ZNF746: variants seen among roughly 807,000 people sequenced by gnomAD.
ZNF746 encodes the protein zinc finger protein 746.
In ZNF746, 13 loss-of-function variants were observed where a neutral mutation model predicts 41.0. The observed-to-expected ratio is 0.32, with a 90% CI of 0.21 to 0.50. The LOEUF (loss-of-function observed/expected upper bound fraction) is 0.50, where lower values mean the gene tolerates loss of function less well. Among genes scored for constraint, ZNF746 ranks in the 20% least tolerant of loss-of-function variants. ZNF746 has a pLI of 0.98. For missense variants in ZNF746, 811 were observed against 922.9 expected, an observed-to-expected ratio of 0.88 and a Z score of 1.57; for synonymous variants, 424 against 396.2, an observed-to-expected ratio of 1.07 and a Z score of -0.83.
At position 149,497,207 on chromosome 7, in the gene ZNF746, C is replaced by G. The variant is rs1429328704; in HGVS notation, c.24+306G>C. 3.0e-6 allele frequency: 3 copies of G among 984,754 alleles called. No homozygotes were observed. In the African/African-American group the frequency reaches 5.2e-5, roughly 17 times the overall value. 61.0% of individuals were successfully genotyped at this position (984,754 alleles called of 1,614,324 possible). On this transcript the variant is annotated intron_variant, in intron 1 of 6. Transcript: ENST00000458143. This position sits in a 1 kb window ranked among gnomAD's most constrained non-coding sequence, Gnocchi z 4.2. Reference sequence around the variant, plus strand: ...AAAGGAGCCGCGGGTGGGGGGGCACCCAGAAGGAGGGGACAGCGGCTGGGG... The same window carrying G: ...AAAGGAGCCGCGGGTGGGGGGGCACGCAGAAGGAGGGGACAGCGGCTGGGG...
intron 1 of ZNF746, chr7:149,496,938 T>C: frequency 1.0e-6 from 1 of 985,278 alleles, no homozygotes; most frequent in African/African-American, 1.7e-5. Context: ...GCCCCGGGTT[T>C]TTCTTTTGTA....
intron 4 of ZNF746, chr7:149,488,342 G>A (rs1562990953): frequency 6.6e-6 from 1 of 152,018 alleles, no homozygotes; most frequent in Non-Finnish European, 1.5e-5. Context: ...AGGTAAGCAA[G>A]GATATCTCAC....
Position 149,497,533 on chromosome 7 carries a change from C to T in ZNF746, c.4G>A (p.Ala2Thr). Residue 2 changes from alanine to threonine, a missense_variant, in exon 1 of 7, where the codon GCC (alanine) becomes ACC (threonine). Coordinates refer to ENST00000458143, the MANE Select transcript of ZNF746 (RefSeq NM_001394198.1). This position sits in a 1 kb window ranked among gnomAD's most constrained non-coding sequence, Gnocchi z 4.2. ...CTTACCGGAGCCGCGACCGCCTCGG[C>T]CATGGCCCTGCGCTGTCCCGCCCGG... M[A>T]EAVAAPISPW... 1 of 1,099,432 alleles carries T rather than the reference C, an allele frequency of 9.1e-7. No homozygotes were observed. Among genetic ancestry groups the T allele is most frequent in the East Asian group, 6.8e-5 (1 of 14,766 alleles). 68.1% of individuals were successfully genotyped at this position (1,099,432 alleles called of 1,614,324 possible).
At chr7:149,489,096 C>A (rs939790728) in intron 4 of ZNF746, 1 of 151,840 alleles carries the variant, frequency 6.6e-6, no homozygotes, top group Non-Finnish European at 1.5e-5. Flanking sequence ...CACAAAAAAC[C>A]GTATTATATA....
chr7:149,479,977 A>T (rs904224186), intron 4 of ZNF746, among the ~76,000 whole-genome samples: 6 of 152,146 alleles, frequency 3.9e-5, no homozygotes, highest in African/African-American at 4.8e-5. Context: ...AAAAGTTTTT[A>T]AAAAAAGTTA....
chr7:149,481,993 T>C (rs1253276690), intron 4 of ZNF746, among the ~76,000 whole-genome samples: 2 of 152,216 alleles, frequency 1.3e-5, no homozygotes, highest in African/African-American at 2.4e-5. Flanking sequence ...GTGAAATAAA[T>C]GTTAACAGTA....
rs971369443 is a variant in ZNF746 at position 149,492,052 on chromosome 7, G to C, written c.565+807C>G. 6 of 696,918 alleles carry C rather than the reference G, an allele frequency of 8.6e-6. No homozygotes were observed. In the African/African-American group the frequency reaches 1.1e-4, roughly 12 times the overall value. 43.2% of individuals were successfully genotyped at this position (696,918 alleles called of 1,614,324 possible). A position where few individuals can be genotyped will look rare whatever the true frequency, so the allele number is the denominator to read the frequency against. On this transcript the variant is annotated intron_variant, in intron 4 of 6. Transcript: ENST00000458143. The stretch of plus-strand genomic sequence containing the variant: ...CAAAGTAGCTCTACAACTGCTACTG[G>C]TTTAAATTAAGGTTGGTTCTTGGAG...
chr7:149,484,019 T>C (rs1291381890), intron 4 of ZNF746, among the ~76,000 whole-genome samples: 1 of 151,920 alleles, frequency 6.6e-6, no homozygotes, highest in African/African-American at 2.4e-5. Flanking sequence ...AAAGAAGAAA[T>C]AGAAAACCTG....
At chr7:149,496,947 T>C (rs1562995468) in intron 1 of ZNF746, 1 of 985,282 alleles carries the variant, frequency 1.0e-6, no homozygotes. Context: ...TTTTCTTTTG[T>C]ATGACAGAGA....
intron 3 of ZNF746, 44 bp downstream of exon 3, chr7:149,493,945 C>T: frequency 6.2e-7 from 1 of 1,614,124 alleles, no homozygotes; most frequent in South Asian, 1.1e-5. Flanking sequence ...ATTCTGAGGA[C>T]TTGCAAAATC....
At chr7:149,496,782 C>T (rs903114608) in intron 1 of ZNF746, 4 of 984,182 alleles carry the variant, frequency 4.1e-6, no homozygotes, top group Admixed American at 1.2e-4. Flanking sequence ...CCACCGCAAG[C>T]TTCCACCTGG....
chr7:149,490,190 CTT>C (rs1389069445), intron 4 of ZNF746: 1 of 152,606 alleles, frequency 6.6e-6, no homozygotes, highest in African/African-American at 2.4e-5. Context: ...GTGCGTTTCT[CTT>C]TTAAAAAACG....
intron 4 of ZNF746, chr7:149,487,504 T>C (rs1016972770): frequency 6.6e-6 from 1 of 152,106 alleles, no homozygotes; most frequent in African/African-American, 2.4e-5. Flanking sequence ...AACTGCTAAA[T>C]AAGAAAAATA....
Position 149,493,975 on chromosome 7 carries a change from G to A in ZNF746, c.451+14C>T, listed in dbSNP as rs1258603404. 11 of 1,614,110 alleles carry A rather than the reference G, an allele frequency of 6.8e-6. No individual in the cohort carries two copies. The highest frequency in any genetic ancestry group is 9.3e-6 in the Non-Finnish European group (11 of 1,180,044). ...AAAATCCCATTTAACAGAGAAATGA[G>A]TGTCAGGCCTTACCCAGGGAGACCA... is the stretch of plus-strand genomic sequence containing the variant. On this transcript the variant is annotated intron_variant, in intron 3 of 6. Coordinates refer to ENST00000458143, the MANE Select transcript of ZNF746 (RefSeq NM_001394198.1).
Position 149,476,968 on chromosome 7 carries a change from T to C in ZNF746, c.837A>G (p.Ala279=), listed in dbSNP as rs760329253. 64 of 1,613,784 alleles carry C rather than the reference T, an allele frequency of 4.0e-5. No homozygotes were observed. The highest frequency in any genetic ancestry group is 2.2e-4 in the Admixed American group (13 of 59,998). ...TGAGCTTCAGGGTCCCGTCCGAGCA[T>C]GCTGAAGAGGGATGGTGGGGAGGGA... ...TDLPPHHPSS[A]CSDGTLKLNT... is the part of the protein sequence containing the mutation. Residue 279 remains alanine (A), a synonymous_variant, in exon 6 of 7, where the codon GCA becomes GCG. Coordinates refer to ENST00000458143, the MANE Select transcript of ZNF746 (RefSeq NM_001394198.1).
Position 149,494,387 on chromosome 7 carries a change from A to G in ZNF746, c.141T>C (p.Ala47=). The G allele has an allele frequency of 6.2e-7, 1 of 1,613,962 alleles. No individual in the cohort carries two copies. Among genetic ancestry groups the G allele is most frequent in the Non-Finnish European group, 8.5e-7 (1 of 1,179,868 alleles). The change falls in exon 2 of 7, where the codon GCT becomes GCC. Residue 47 remains alanine (A), a synonymous_variant. Transcript: ENST00000458143. This position sits in a 1 kb window ranked among gnomAD's most constrained non-coding sequence, Gnocchi z 5.6. ...ACTCCACGGCTGTCTTCTCGCAATC[A>G]GCCAGCTTCTTCTCGGCCATCCCGG... ...GRTGMAEKKL[A]DCEKTAVEFG...
intron 4 of ZNF746, among the ~76,000 whole-genome samples, chr7:149,478,854 C>T (rs539670391): frequency 8.8e-4 from 134 of 152,260 alleles, no homozygotes; most frequent in African/African-American, 2.8e-3. Context: ...ATTCTAGAAA[C>T]GACAGAGGCA....
At position 149,474,523 on chromosome 7, in the gene ZNF746, T is replaced by C. The variant is rs1187488545; in HGVS notation, c.1844A>G (p.Gln615Arg). ...AGGTGCGGGCGGCGTCGGGAGTGGCTGGCCTCGGGCCGGGGTCTTGGCGCC... is the reference window on the plus strand; with the variant it reads ...AGGTGCGGGCGGCGTCGGGAGTGGCCGGCCTCGGGCCGGGGTCTTGGCGCC... ...AAGAKTPARG[Q>R]PLPTPPAPPD... is the part of the protein sequence containing the mutation. The change falls in exon 7 of 7, where the codon CAG becomes CGG. Residue 615 changes from glutamine (Q) to arginine (R), a missense_variant. This residue lies in a region of ZNF746 where 99 missense variants were observed against 80.3 expected (regional missense o/e 1.23). Coordinates refer to ENST00000458143, the MANE Select transcript of ZNF746 (RefSeq NM_001394198.1). This position sits in a 1 kb window ranked among gnomAD's most constrained non-coding sequence, Gnocchi z 6.3. 2 of 1,608,086 alleles carry C rather than the reference T, an allele frequency of 1.2e-6. No individual in the cohort carries two copies. The highest frequency in any genetic ancestry group is 1.7e-6 in the Non-Finnish European group (2 of 1,177,498).
In ZNF746 at chr7:149,474,731, T is replaced by A; in HGVS notation, c.1636A>T (p.Met546Leu). The change falls in exon 7 of 7, where the codon ATG becomes TTG. Residue 546 changes from methionine to leucine, a missense_variant. This residue lies in a region of ZNF746 where 70 missense variants were observed against 127.6 expected (regional missense o/e 0.55). Transcript: ENST00000458143. The surrounding 1 kb of genome is among the most constrained non-coding windows in gnomAD (Gnocchi z 6.3). ...AAGGGCCGCTCGCCGGTGTGCAGCA[T>A]GCGATGGCGGATGAGGTGCGCGGGG... ...TRPAHLIRHRMLHTGERPFPC... is the reference protein window; with the variant it reads ...TRPAHLIRHRLLHTGERPFPC... 2 of 1,610,102 alleles carry A rather than the reference T, an allele frequency of 1.2e-6. No individual in the cohort carries two copies. Among genetic ancestry groups the A allele is most frequent in the Non-Finnish European group, 1.7e-6 (2 of 1,179,166 alleles).
Sources: gnomAD v4.1 joint callset for allele counts (sites outside exome capture counted in the v4.1 genomes callset) on GRCh38, gnomAD v4.1.1 for gene constraint, gnomAD v4.1.1 regional missense constraint, Gnocchi (gnomAD v3.1) non-coding constraint, MANE v1.5 for transcripts, NCBI Gene and HGNC (gene_info 2026-07-23, HGNC 2026-07-21) for gene names.